The following LRBA variants were observed in gnomAD, a reference collection of about 807,000 sequenced individuals.
LRBA encodes LPS responsive beige-like anchor protein.
A neutral mutation model predicts 330.0 loss-of-function variants in LRBA; 176 were observed. The ratio of observed to expected loss-of-function variants is 0.53; its 90% CI spans 0.47 to 0.60. LRBA has a LOEUF of 0.60. Among genes scored for constraint, LRBA ranks in the 20% least tolerant of loss-of-function variants. LRBA has a pLI of 0.00. For missense variants in LRBA, 3,259 were observed against 3,444.8 expected, an observed-to-expected ratio of 0.95 and a Z score of 1.35; for synonymous variants, 1,230 against 1,193.0, an observed-to-expected ratio of 1.03 and a Z score of -0.64.
intron 35 of LRBA, among the ~76,000 whole-genome samples, chr4:150,742,296 C>T (rs1732116345): frequency 6.6e-6 from 1 of 151,642 alleles, no homozygotes; most frequent in African/African-American, 2.4e-5. Flanking sequence ...TATACATGTG[C>T]CATCGTACCC....
rs576195511 is a variant in LRBA at position 150,310,591 on chromosome 4, TAGAGG to T, written c.7694-212_7694-208del. 224 of 469,848 alleles carry T rather than the reference TAGAGG, an allele frequency of 4.8e-4. 1 individual carries two copies. The highest frequency in any genetic ancestry group is 4.3e-3 in the African/African-American group (218 of 51,044). The allele number at this position is 469,848 out of a possible 1,614,324, so 29.1% of individuals were successfully genotyped here. On this transcript the variant is annotated intron_variant, in intron 51 of 56. Coordinates refer to ENST00000651943, the MANE Select transcript of LRBA (RefSeq NM_001364905.1). ...CAATATCTCAGTTAAAAATTTTGCT[TAGAGG>T]AAAGAAAGAATAACACACTACTATT...
chr4:150,425,828 T>G (rs951988572), intron 46 of LRBA, among the ~76,000 whole-genome samples: 12 of 152,124 alleles, frequency 7.9e-5, no homozygotes, highest in African/African-American at 2.9e-4. Context: ...TTCCTAAATA[T>G]GAAATATTGA....
intron 2 of LRBA, among the ~76,000 whole-genome samples, chr4:150,938,478 G>C (rs772803496): frequency 5.9e-5 from 9 of 152,122 alleles, no homozygotes; most frequent in African/African-American, 1.9e-4. Flanking sequence ...AGAGTTTCTA[G>C]TTTGGCACAC....
At chr4:150,388,202 T>C (rs1221975236) in intron 47 of LRBA, among the ~76,000 whole-genome samples, 1 of 152,254 alleles carries the variant, frequency 6.6e-6, no homozygotes, top group Non-Finnish European at 1.5e-5. Flanking sequence ...CCAGTTCTAC[T>C]GGAACAGGGC....
At chr4:150,703,691 T>C (rs1362443953) in intron 36 of LRBA, among the ~76,000 whole-genome samples, 3 of 152,114 alleles carry the variant, frequency 2.0e-5, no homozygotes, top group African/African-American at 7.2e-5. Context: ...TTTAACGATT[T>C]CTCCTACATG....
intron 56 of LRBA, among the ~76,000 whole-genome samples, chr4:150,266,870 G>T (rs146239590): frequency 6.6e-6 from 1 of 152,224 alleles, no homozygotes. Context: ...GGATGGAAAA[G>T]ATATTCCGTG....
intron 2 of LRBA, among the ~76,000 whole-genome samples, chr4:151,006,396 T>C (rs1249752347): frequency 6.6e-6 from 1 of 152,144 alleles, no homozygotes; most frequent in Non-Finnish European, 1.5e-5. Context: ...ATTGTACTTT[T>C]ATTTTAAAAA....
At chr4:150,973,544 G>C (rs1369779404) in intron 2 of LRBA, among the ~76,000 whole-genome samples, 2 of 152,182 alleles carry the variant, frequency 1.3e-5, no homozygotes, top group African/African-American at 4.8e-5. Context: ...TATTTCAAAA[G>C]AGGCATAATG....
intron 44 of LRBA, among the ~76,000 whole-genome samples, chr4:150,438,741 C>A (rs1223192517): frequency 6.6e-6 from 1 of 152,140 alleles, no homozygotes; most frequent in African/African-American, 2.4e-5. Context: ...TTTCATGTTA[C>A]ATGTTAAGCA....
At chr4:150,845,643 G>A (rs1229110993) in intron 26 of LRBA, among the ~76,000 whole-genome samples, 1 of 152,022 alleles carries the variant, frequency 6.6e-6, no homozygotes, top group African/African-American at 2.4e-5. Flanking sequence ...AAGAATCACT[G>A]GCCTATCACA....
At chr4:150,794,047 T>A (rs1740396506) in intron 34 of LRBA, among the ~76,000 whole-genome samples, 1 of 152,130 alleles carries the variant, frequency 6.6e-6, no homozygotes, top group African/African-American at 2.4e-5. Flanking sequence ...CCTCGAAGAA[T>A]GAGATAATTA....
intron 35 of LRBA, among the ~76,000 whole-genome samples, chr4:150,752,194 A>T (rs1348645663): frequency 6.6e-6 from 1 of 152,124 alleles, no homozygotes; most frequent in Non-Finnish European, 1.5e-5. Flanking sequence ...TCAAAATATC[A>T]TCTCCATATA....
At chr4:150,477,270 A>G (rs1223417381) in intron 42 of LRBA, among the ~76,000 whole-genome samples, 6 of 152,160 alleles carry the variant, frequency 3.9e-5, no homozygotes, top group Admixed American at 3.9e-4. Context: ...CCACCCAAAT[A>G]TCATGTCAAA....
chr4:150,498,215 T>C (rs1331067176), intron 40 of LRBA, among the ~76,000 whole-genome samples: 1 of 152,180 alleles, frequency 6.6e-6, no homozygotes, highest in Non-Finnish European at 1.5e-5. Context: ...TAATTTAATA[T>C]TTGTGCTGGA....
Position 150,836,150 on chromosome 4 carries a change from C to T in LRBA, c.4570-4174G>A, listed in dbSNP as rs191172182. Among the ~76,000 whole-genome samples the T allele has an allele frequency of 4.0e-4, 61 of 152,244 alleles. No homozygotes were observed. In the East Asian group the frequency reaches 0.011, roughly 28 times the overall value. On this transcript the variant is annotated intron_variant, in intron 28 of 56. Transcript: ENST00000651943. ...CCAGCCTTGCATCCCAGGGATGAAG[C>T]CCACTTGATCATGGTGGATAAGCTT...
chr4:150,848,819 T>A lies in LRBA; in HGVS notation c.4338A>T (p.Leu1446=), dbSNP rs201059532. 1 of 1,593,422 alleles carries A rather than the reference T, an allele frequency of 6.3e-7. No individual in the cohort carries two copies. Residue 1446 remains leucine, a splice_region_variant and synonymous_variant, in exon 26 of 57, where the codon CTA becomes CTT. Coordinates refer to ENST00000651943, the MANE Select transcript of LRBA (RefSeq NM_001364905.1). ...TCCCAACGGTTTTTAGCAGCTCACC[T>A]AGTCGGAGACACTGCCGCAAAATTC... ...SGGILRQCLR[L]VCAVAVRNCL...
Position 150,848,659 on chromosome 4 carries a change from A to G in LRBA, c.4339+159T>C, listed in dbSNP as rs193235418. Among the ~76,000 whole-genome samples the G allele has an allele frequency of 3.3e-3, 503 of 152,196 alleles. 2 individuals carry two copies. The highest frequency in any genetic ancestry group is 0.012 in the African/African-American group (478 of 41,518). ...ATACATCCTCCTTCTTGCCCATCCA[A>G]CTTACCAACTACTACTATGTACATT... On this transcript the variant is annotated intron_variant, in intron 26 of 56. Coordinates refer to ENST00000651943, the MANE Select transcript of LRBA (RefSeq NM_001364905.1).
chr4:150,678,226 G>A (rs1426740887), intron 37 of LRBA, among the ~76,000 whole-genome samples: 2 of 149,626 alleles, frequency 1.3e-5, no homozygotes, highest in Non-Finnish European at 3.0e-5. Flanking sequence ...GGGTGACAGA[G>A]TGAGACTCTG....
rs564417280 is a variant in LRBA at position 150,310,374 on chromosome 4, T to C, written c.7704A>G (p.Thr2568=). 3 of 1,612,552 alleles carry C rather than the reference T, an allele frequency of 1.9e-6. No individual in the cohort carries two copies. The highest frequency in any genetic ancestry group is 2.7e-5 in the African/African-American group (2 of 75,020). ...CAGTGATTTGCCTCCTGTGCATTCC[T>C]GTATTGCTGGCTGTAAGAATAGGGA... The part of the protein sequence containing the change: ...VEIDPLIASN[T]GMHRRQITDL... Residue 2568 remains threonine, a synonymous_variant, in exon 52 of 57, where the codon ACA becomes ACG. Coordinates refer to ENST00000651943, the MANE Select transcript of LRBA (RefSeq NM_001364905.1).
Sources: gnomAD v4.1 joint callset for allele counts (sites outside exome capture counted in the v4.1 genomes callset) on GRCh38, gnomAD v4.1.1 for gene constraint, MANE v1.5 for transcripts, NCBI Gene and HGNC (gene_info 2026-07-23, HGNC 2026-07-21) for gene names.